The following ST7L variants were observed in gnomAD, a reference collection of about 807,000 sequenced individuals.
ST7L encodes the protein suppressor of tumorigenicity 7 protein-like.
Under a neutral mutation model 72.5 loss-of-function variants are expected in ST7L, and 57 were observed. The ratio of observed to expected loss-of-function variants is 0.79; its 90% confidence interval spans 0.64 to 0.98. ST7L has a LOEUF of 0.98. Ranked by LOEUF, ST7L falls within the 50% of genes least tolerant of loss-of-function variation. ST7L has a pLI of 0.00. For synonymous variants in ST7L, 221 were observed against 240.9 expected, an observed-to-expected ratio of 0.92 and a Z score of 0.77; for missense variants, 576 against 672.2, an observed-to-expected ratio of 0.86 and a Z score of 1.58.
intron 3 of ST7L, among the ~76,000 whole-genome samples, chr1:112,609,140 A>G (rs1305975410): frequency 6.6e-6 from 1 of 152,152 alleles, no homozygotes; most frequent in East Asian, 1.9e-4. Context: ...CAGCCTGGGC[A>G]ACATACTGAG....
chr1:112,540,409 G>A (rs1655919363), intron 14 of ST7L: 1 of 985,268 alleles, frequency 1.0e-6, no homozygotes. Context: ...TCAACTATTA[G>A]CACTACTGCA....
At chr1:112,555,227 A>G (rs374241086) in intron 12 of ST7L, among the ~76,000 whole-genome samples, 1 of 151,756 alleles carries the variant, frequency 6.6e-6, no homozygotes, top group Non-Finnish European at 1.5e-5. Context: ...ACAAAACAAA[A>G]AGACCAATTT....
At chr1:112,602,471 G>C (rs1667563606) in intron 3 of ST7L, among the ~76,000 whole-genome samples, 1 of 152,150 alleles carries the variant, frequency 6.6e-6, no homozygotes, top group African/African-American at 2.4e-5. Context: ...TAGTACATTA[G>C]CATGAGTCAA....
chr1:112,568,305 A>T (rs1661366667), intron 11 of ST7L, among the ~76,000 whole-genome samples: 1 of 149,878 alleles, frequency 6.7e-6, no homozygotes, highest in Non-Finnish European at 1.5e-5. Context: ...ATTAATCAAG[A>T]GTGTCAATGG....
At chr1:112,532,544 T>A (rs1050569084) in intron 14 of ST7L, among the ~76,000 whole-genome samples, 1 of 152,222 alleles carries the variant, frequency 6.6e-6, no homozygotes, top group East Asian at 1.9e-4. Context: ...CTCTGTCACA[T>A]TGGTCATCTG....
At chr1:112,578,779 A>AAAAAC (rs927324157) in intron 9 of ST7L, among the ~76,000 whole-genome samples, 164 of 152,344 alleles carry the variant, frequency 1.1e-3, no homozygotes, top group African/African-American at 3.7e-3. Context: ...CGTCTCCAAA[A>AAAAAC]AAAACAAAAC....
intron 11 of ST7L, among the ~76,000 whole-genome samples, chr1:112,568,855 AATATAAATATATATAT>A (rs1443159534): frequency 3.7e-5 from 3 of 80,922 alleles, no homozygotes; most frequent in Non-Finnish European, 7.2e-5. Context: ...TATAAATATA[AATATAAATATATATAT>A]ATATATATAT....
chr1:112,527,291 A>C (rs1653600343), intron 14 of ST7L: 1 of 152,348 alleles, frequency 6.6e-6, no homozygotes, highest in South Asian at 2.1e-4. Context: ...CTAGGAGAAG[A>C]ACACCTCATG....
At chr1:112,519,032 C>T (rs551965872), downstream of ST7L, among the ~76,000 whole-genome samples, 2 of 152,256 alleles carry the variant, frequency 1.3e-5, no homozygotes, top group Admixed American at 1.3e-4. Flanking sequence ...CTAGTGGCTG[C>T]TACCCTGGAC....
At chr1:112,580,396 A>G (rs1571150124) in intron 9 of ST7L, among the ~76,000 whole-genome samples, 1 of 151,928 alleles carries the variant, frequency 6.6e-6, no homozygotes, top group South Asian at 2.1e-4. Context: ...CAAGCAATCC[A>G]CCCGCTTCAG....
intron 13 of ST7L, 64 bp from the exon 14 acceptor site, chr1:112,542,154 T>C (rs905666465): frequency 7.1e-7 from 1 of 1,402,100 alleles, no homozygotes. Context: ...AGTCTTAATC[T>C]TTTCAAATGA....
At chr1:112,573,024 T>G (rs1038313344) in intron 11 of ST7L, among the ~76,000 whole-genome samples, 1 of 151,826 alleles carries the variant, frequency 6.6e-6, no homozygotes, top group Non-Finnish European at 1.5e-5. Context: ...AAGAACCTGA[T>G]CAAGAAAAAT....
At chr1:112,594,393 T>C (rs543124287) in intron 5 of ST7L, among the ~76,000 whole-genome samples, 6 of 152,288 alleles carry the variant, frequency 3.9e-5, no homozygotes, top group Non-Finnish European at 7.4e-5. Flanking sequence ...ACAGTGAAGC[T>C]TGGCATTGGA....
chr1:112,594,599 C>A (rs12758377), intron 5 of ST7L, among the ~76,000 whole-genome samples: 32,754 of 152,096 alleles, frequency 0.22, 3,734 homozygotes, highest in Middle Eastern at 0.26. Context: ...TAATTTCGGC[C>A]AAGTGGTAAG....
At chr1:112,606,004 C>G (rs539530580) in intron 3 of ST7L, among the ~76,000 whole-genome samples, 1 of 152,224 alleles carries the variant, frequency 6.6e-6, no homozygotes, top group Non-Finnish European at 1.5e-5. Flanking sequence ...TCCAAAAAGT[C>G]TAACAGCCTT....
chr1:112,581,396 G>A (rs1025220078), intron 9 of ST7L, among the ~76,000 whole-genome samples: 4 of 129,822 alleles, frequency 3.1e-5, no homozygotes, highest in South Asian at 2.3e-4. Flanking sequence ...AGGGCTCCCC[G>A]TCTTTTTTTT....
At chr1:112,553,233 A>AACACACACACACACACACACAC (rs71584746) in intron 12 of ST7L, among the ~76,000 whole-genome samples, 81 of 149,492 alleles carry the variant, frequency 5.4e-4, no homozygotes, top group African/African-American at 1.9e-3. Context: ...CTTTTCTTTA[A>AACACACACACACACACACACAC]ACACACACAC....
chr1:112,540,055 A>G (rs1655857604), intron 14 of ST7L: 2 of 985,322 alleles, frequency 2.0e-6, no homozygotes, highest in Non-Finnish European at 2.4e-6. Flanking sequence ...AACTTATGCT[A>G]TGTAATCGTA....
In ST7L at chr1:112,577,068, GA is replaced by G; in HGVS notation, c.1162del (p.Ser388ProfsTer5). On this transcript the variant is annotated frameshift_variant, in exon 11 of 15. Coordinates refer to ENST00000358039, the MANE Select transcript of ST7L (RefSeq NM_017744.5). LOFTEE classifies it high-confidence loss of function. ...VSEKFSPETASRRGLSTAEIN... is the reference protein window; with the variant it reads ...VSEKFSPETAXRRGLSTAEIN... ...TTCTGCTGTGCTTAATCCTCTTCTG[GA>G]GGCTGTTTCTGGAGAGAATCTACAA... The G allele has an allele frequency of 6.2e-7, 1 of 1,600,270 alleles. No individual in the cohort carries two copies. Among genetic ancestry groups the G allele is most frequent in the Non-Finnish European group, 8.5e-7 (1 of 1,172,238 alleles).
Sources: allele counts gnomAD v4.1 joint callset (sites outside exome capture counted in the v4.1 genomes callset), GRCh38; gene constraint gnomAD v4.1.1; transcripts MANE v1.5; gene names NCBI Gene and HGNC (gene_info 2026-07-23, HGNC 2026-07-21).